Variants in GCNT1 observed in about 807,000 individuals in gnomAD.
GCNT1 encodes beta-1,3-galactosyl-O-glycosyl-glycoprotein beta-1,6-N-acetylglucosaminyltransferase.
In GCNT1, 16 loss-of-function variants were observed where a neutral mutation model predicts 26.2. The ratio of observed to expected loss-of-function variants is 0.61; its 90% confidence interval spans 0.41 to 0.93. The LOEUF (loss-of-function observed/expected upper bound fraction) is 0.93. Among genes scored for constraint, GCNT1 ranks in the 40% least tolerant of loss-of-function variants. The pLI is 0.00. For synonymous variants in GCNT1, 183 were observed against 190.8 expected, an observed-to-expected ratio of 0.96 and a Z score of 0.34; for missense variants, 477 against 526.7, an observed-to-expected ratio of 0.91 and a Z score of 0.92.
intron 2 of GCNT1, among the ~76,000 whole-genome samples, chr9:76,485,845 G>A (rs1333899136): frequency 3.3e-5 from 5 of 152,044 alleles, no homozygotes; most frequent in Non-Finnish European, 4.4e-5. Flanking sequence ...TGATTCTCCT[G>A]CCTCAGCCTC....
rs1407208169 is a variant in GCNT1 at position 76,484,767 on chromosome 9, G to A, written c.-289-16149G>A. Among the ~76,000 whole-genome samples the A allele has an allele frequency of 2.7e-5, 4 of 149,518 alleles. No individual in the cohort carries two copies. The South Asian group carries it at 6.4e-4, about 24-fold the overall frequency. ...ATTACTATAGCCATGTATAAACTGAGCATAGCATACCATGATTGCTTTTTT... is the reference window on the plus strand; with the variant it reads ...ATTACTATAGCCATGTATAAACTGAACATAGCATACCATGATTGCTTTTTT... On this transcript the variant is annotated intron_variant, in intron 2 of 3. Transcript: ENST00000376730.
upstream of GCNT1, among the ~76,000 whole-genome samples, chr9:76,417,667 A>AT (rs1280429691): frequency 6.6e-6 from 1 of 152,106 alleles, no homozygotes; most frequent in East Asian, 1.9e-4. Flanking sequence ...AGGCATCTGT[A>AT]TTTTCAGGAG....
chr9:76,483,318 G>C (rs1300213115), intron 2 of GCNT1, among the ~76,000 whole-genome samples: 1 of 151,812 alleles, frequency 6.6e-6, no homozygotes, highest in Non-Finnish European at 1.5e-5. Context: ...ATTTCTTTAG[G>C]TGTGTATTTT....
chr9:76,428,265 C>CAAAAAAAAAAAAAAAAAAAAAAAAAAAA (rs869195487), intron 1 of GCNT1, among the ~76,000 whole-genome samples: 2 of 29,772 alleles, frequency 6.7e-5, no homozygotes, highest in African/African-American at 1.0e-4. Context: ...GACTCCGTCT[C>CAAAAAAAAAAAAAAAAAAAAAAAAAAAA]AAAAAAAAAA....
chr9:76,496,973 C>A (rs1824924240), intron 2 of GCNT1, among the ~76,000 whole-genome samples: 1 of 152,158 alleles, frequency 6.6e-6, no homozygotes, highest in South Asian at 2.1e-4. Context: ...ATTAGGCAGG[C>A]CTTGGGCGAG....
the GCNT1 span, among the ~76,000 whole-genome samples, chr9:76,414,475 A>C: frequency 6.6e-6 from 1 of 152,212 alleles, no homozygotes; most frequent in African/African-American, 2.4e-5. Flanking sequence ...TTTATAGAGA[A>C]GTAATGAAAC....
At chr9:76,429,417 C>T (rs746305182) in intron 1 of GCNT1, among the ~76,000 whole-genome samples, 7 of 152,298 alleles carry the variant, frequency 4.6e-5, no homozygotes, top group Non-Finnish European at 1.0e-4. Flanking sequence ...TCAATTTATA[C>T]TCCCATTGTG....
upstream of GCNT1, among the ~76,000 whole-genome samples, chr9:76,458,533 A>G (rs1823800548): frequency 6.6e-6 from 1 of 152,150 alleles, no homozygotes; most frequent in Admixed American, 6.6e-5. Context: ...TCTGTTTTCT[A>G]GGAGCTAAAA....
intron 1 of GCNT1, among the ~76,000 whole-genome samples, chr9:76,427,578 A>G (rs113130675): frequency 1.3e-5 from 2 of 152,336 alleles, no homozygotes; most frequent in African/African-American, 4.8e-5. Flanking sequence ...ACACTTTGAC[A>G]TATCAGTTAT....
chr9:76,447,337 T>G (rs1823593956), intron 1 of GCNT1, among the ~76,000 whole-genome samples: 1 of 151,872 alleles, frequency 6.6e-6, no homozygotes, highest in Non-Finnish European at 1.5e-5. Flanking sequence ...CCTCCCGGGC[T>G]CAGGCAATCC....
chr9:76,504,629 C>A lies in GCNT1; in HGVS notation c.*961C>A. ...AAAAGGAATGTATTTAAACAATTTC[C>A]GATGCCCATGATGAGTTTAAAAACC... On this transcript the variant is annotated 3_prime_UTR_variant, in exon 4 of 4. Coordinates refer to ENST00000376730, the MANE Select transcript of GCNT1 (RefSeq NM_001490.5). 1 of 412,070 alleles carries A rather than the reference C, an allele frequency of 2.4e-6. No individual in the cohort carries two copies. Among genetic ancestry groups the A allele is most frequent in the South Asian group, 1.4e-4 (1 of 7,020 alleles). The allele number at this position is 412,070 out of a possible 1,614,324, so 25.5% of individuals were successfully genotyped here.
rs33956720 is a variant in GCNT1, at chr9:76,484,786, C to CTTT, written c.-289-16114_-289-16112dup. 7.1e-4 allele frequency among the ~76,000 whole-genome samples: 90 copies of CTTT among 126,174 alleles called. 2 individuals carry two copies. Among genetic ancestry groups the CTTT allele is most frequent in the East Asian group, 2.2e-3 (9 of 4,046 alleles). 82.8% of individuals were successfully genotyped at this position (126,174 alleles called of 152,430 possible). On this transcript the variant is annotated intron_variant, in intron 2 of 3. Coordinates refer to ENST00000376730, the MANE Select transcript of GCNT1 (RefSeq NM_001490.5). ...AACTGAGCATAGCATACCATGATTG[C>CTTT]TTTTTTTTTTTTTTTTTTCTGAGAT...
chr9:76,413,648 GTTTTGTTTTTTTTTT>G, the GCNT1 span, among the ~76,000 whole-genome samples: 31 of 28,120 alleles, frequency 1.1e-3, no homozygotes, highest in Admixed American at 4.2e-3. Flanking sequence ...TTTTTGTTTT[GTTTTGTTTTTTTTTT>G]TTTTGTTTTT....
intron 2 of GCNT1, among the ~76,000 whole-genome samples, chr9:76,489,074 AG>A (rs1189856485): frequency 6.6e-6 from 1 of 152,174 alleles, no homozygotes; most frequent in East Asian, 1.9e-4. Flanking sequence ...ACTTGAAAAC[AG>A]GGTTCAGCTG....
At chr9:76,410,856 A>G in the GCNT1 span, among the ~76,000 whole-genome samples, 1 of 152,134 alleles carries the variant, frequency 6.6e-6, no homozygotes, top group Non-Finnish European at 1.5e-5. Context: ...TGCCCCACAT[A>G]TTTTACAACT....
chr9:76,463,628 A>G (rs371816383), intron 2 of GCNT1, among the ~76,000 whole-genome samples: 1 of 152,326 alleles, frequency 6.6e-6, no homozygotes, highest in South Asian at 2.1e-4. Flanking sequence ...GGAGCAACCT[A>G]TTTATTCAGG....
chr9:76,458,076 G>A (rs934489692), upstream of GCNT1, among the ~76,000 whole-genome samples: 12 of 152,096 alleles, frequency 7.9e-5, no homozygotes, highest in East Asian at 2.3e-3. Context: ...GAGAGTAGAG[G>A]GGAAGTCTTT....
intron 1 of GCNT1, among the ~76,000 whole-genome samples, chr9:76,424,603 A>G (rs898575888): frequency 3.9e-5 from 6 of 152,342 alleles, no homozygotes; most frequent in Non-Finnish European, 8.8e-5. Context: ...AAAAAACTAG[A>G]TAGACAAGAC....
At chr9:76,463,988 G>A (rs1823937843) in intron 2 of GCNT1, among the ~76,000 whole-genome samples, 1 of 151,624 alleles carries the variant, frequency 6.6e-6, no homozygotes, top group African/African-American at 2.4e-5. Context: ...TTGAGGCCAG[G>A]ACTTTGAGAC....
Sources: gnomAD v4.1 joint callset for allele counts (sites outside exome capture counted in the v4.1 genomes callset) on GRCh38, gnomAD v4.1.1 for gene constraint, MANE v1.5 for transcripts, NCBI Gene and HGNC (gene_info 2026-07-23, HGNC 2026-07-21) for gene names.